CFAP74: variants seen among roughly 807,000 people sequenced by gnomAD.
CFAP74 encodes cilia- and flagella-associated protein 74.
Under a neutral mutation model 188.9 loss-of-function variants are expected in CFAP74, and 124 were observed. The ratio of observed to expected loss-of-function variants is 0.66; its 90% CI spans 0.57 to 0.76. CFAP74 has a LOEUF of 0.76. Among genes scored for constraint, CFAP74 ranks in the 30% least tolerant of loss-of-function variants. The probability of loss-of-function intolerance (pLI) is 0.00; values close to 1 mark genes in which losing one functional copy is unlikely to be tolerated. For missense variants in CFAP74, 2,198 were observed against 2,165.2 expected, an observed-to-expected ratio of 1.02 and a Z score of -0.30; for synonymous variants, 956 against 916.7, an observed-to-expected ratio of 1.04 and a Z score of -0.77.
rs1344101318 is a variant in CFAP74, at chr1:1,925,883, A to ATGAGGG, written c.3998_4003dup (p.Thr1333_Leu1334dup). 1.9e-6 allele frequency: 3 copies of ATGAGGG among 1,612,636 alleles called. No individual in the cohort carries two copies. The highest frequency in any genetic ancestry group is 2.2e-5 in the East Asian group (1 of 44,880). On this transcript the variant is annotated inframe_insertion, in exon 33 of 39. Coordinates refer to ENST00000682832, the MANE Select transcript of CFAP74 (RefSeq NM_001304360.2). ...GATCATGGACGCCACGCCAGTGCCCATGAGGGTGAGGGTGAGCGTGCCTCT... is the reference window on the plus strand; with the variant it reads ...GATCATGGACGCCACGCCAGTGCCCATGAGGGTGAGGGTGAGGGTGAGCGTGCCTCT...
Position 1,974,121 on chromosome 1 carries a change from G to C in CFAP74, c.578C>G (p.Ala193Gly). The part of the protein sequence containing the change: ...FRTADREEVE[A>G]TGRRLQVRAA... The stretch of plus-strand genomic sequence containing the variant: ...GCGCACCTGGAGCCGCCGCCCCGTG[G>C]CCTCCACCTCCTCACGGTCAGCTGT... Residue 193 changes from alanine (A) to glycine (G), a missense_variant, in exon 7 of 39, where the codon GCC becomes GGC. Physicochemically the swap from Ala to Gly is moderately conservative, Grantham distance 60. Coordinates refer to ENST00000682832, the MANE Select transcript of CFAP74 (RefSeq NM_001304360.2). The C allele has an allele frequency of 6.2e-7, 1 of 1,612,564 alleles. No homozygotes were observed. The highest frequency in any genetic ancestry group is 8.5e-7 in the Non-Finnish European group (1 of 1,179,276).
Position 1,975,149 on chromosome 1 carries a change from T to G in CFAP74, c.501-951A>C, listed in dbSNP as rs72894789. 0.013 allele frequency among the ~76,000 whole-genome samples: 2,027 copies of G among 152,356 alleles called. 48 individuals carry two copies. Among genetic ancestry groups the G allele is most frequent in the African/African-American group, 0.046 (1,905 of 41,582 alleles). On this transcript the variant is annotated intron_variant, in intron 6 of 38. Transcript: ENST00000682832. The surrounding 1 kb of genome is among the most constrained non-coding windows in gnomAD (Gnocchi z 4.5). ...CACCCGCGATCATGTTCATTTCCAC[T>G]TCGTCTTTCGTTAAAAGCTTTTCCT...
intron 1 of CFAP74, among the ~76,000 whole-genome samples, chr1:1,993,899 G>A (rs112343488): frequency 2.0e-4 from 30 of 150,746 alleles, no homozygotes; most frequent in East Asian, 7.8e-4. Flanking sequence ...GGAGAATGGC[G>A]TGAACCCGGG....
chr1:1,977,512 G>A (rs1031860726), intron 6 of CFAP74, among the ~76,000 whole-genome samples: 2 of 152,144 alleles, frequency 1.3e-5, no homozygotes, highest in Admixed American at 6.5e-5. Context: ...TGCTCCCAGG[G>A]GCAAGAACAA....
intron 27 of CFAP74, among the ~76,000 whole-genome samples, chr1:1,928,455 G>A (rs1445649395): frequency 6.6e-6 from 1 of 152,218 alleles, no homozygotes; most frequent in Non-Finnish European, 1.5e-5. Context: ...GACACTCCGT[G>A]TTTCAGGTGC....
At chr1:1,932,314 G>A (rs944275827) in intron 25 of CFAP74, among the ~76,000 whole-genome samples, 2 of 148,138 alleles carry the variant, frequency 1.4e-5, no homozygotes, top group Non-Finnish European at 1.5e-5. Flanking sequence ...GGAGAATGGC[G>A]TGAACCCAGG....
intron 1 of CFAP74, among the ~76,000 whole-genome samples, chr1:1,993,748 C>A (rs75074275): frequency 1.9e-5 from 1 of 53,836 alleles, no homozygotes; most frequent in East Asian, 5.5e-4. Context: ...TTTGGGAGGC[C>A]GAGGCAGGTG....
At chr1:1,991,562 C>T (rs1657565760) in intron 1 of CFAP74, among the ~76,000 whole-genome samples, 1 of 151,910 alleles carries the variant, frequency 6.6e-6, no homozygotes, top group Non-Finnish European at 1.5e-5. Context: ...GAGATAGTGC[C>T]ACTGCACTCC....
chr1:1,947,320 G>A (rs1653841639), intron 18 of CFAP74, among the ~76,000 whole-genome samples: 1 of 152,264 alleles, frequency 6.6e-6, no homozygotes. Flanking sequence ...GAGGGTATTA[G>A]AGGCTGGAGT....
At chr1:1,960,097 CAG>C in intron 14 of CFAP74, 67 bp from the exon 15 acceptor site, 1 of 1,396,014 alleles carries the variant, frequency 7.2e-7, no homozygotes, top group Non-Finnish European at 1.0e-6. Flanking sequence ...CCTCACCACC[CAG>C]AGCACAGTCA....
At chr1:1,984,928 G>A (rs959776037) in intron 6 of CFAP74, 7 of 165,602 alleles carry the variant, frequency 4.2e-5, no homozygotes, top group Admixed American at 2.9e-4. Context: ...TGTGTGGTTC[G>A]GGAGTCCTAC....
At chr1:1,951,461 A>T (rs1348542550) in intron 18 of CFAP74, among the ~76,000 whole-genome samples, 1 of 152,146 alleles carries the variant, frequency 6.6e-6, no homozygotes, top group Non-Finnish European at 1.5e-5. Flanking sequence ...AAACCAGTTG[A>T]CTATAATTGT....
chr1:1,923,969 G>A lies in CFAP74; in HGVS notation c.4235-40C>T, dbSNP rs1026766528. 1.5e-5 allele frequency: 24 copies of A among 1,576,616 alleles called. No homozygotes were observed. The highest frequency in any genetic ancestry group is 1.9e-5 in the Non-Finnish European group (22 of 1,160,442). On this transcript the variant is annotated intron_variant, in intron 34 of 38. Transcript: ENST00000682832. This position sits in a 1 kb window ranked among gnomAD's most constrained non-coding sequence, Gnocchi z 6.3. ...GGGTGCAGTTTGGCCTTCTCCACCTGCAATCACTGTCTGCCCTCCAAGCCT... is the reference window on the plus strand; with the variant it reads ...GGGTGCAGTTTGGCCTTCTCCACCTACAATCACTGTCTGCCCTCCAAGCCT...
rs369630047 is a variant in CFAP74 at position 1,970,736 on chromosome 1, C to A, written c.969G>T (p.Ala323=). ...ATGCATCCCTGCCCTGGGCCAGAATCGCCTTCTTCTCAGCCTGGACCCTCT... is the reference window on the plus strand; with the variant it reads ...ATGCATCCCTGCCCTGGGCCAGAATAGCCTTCTTCTCAGCCTGGACCCTCT... The part of the protein sequence containing the change: ...AEQRVQAEKK[A]ILAQGRDAFR... Residue 323 remains alanine, a synonymous_variant, in exon 10 of 39, where the codon GCG becomes GCT. Coordinates refer to ENST00000682832, the MANE Select transcript of CFAP74 (RefSeq NM_001304360.2). 4.3e-6 allele frequency: 7 copies of A among 1,614,198 alleles called. No homozygotes were observed. The highest frequency in any genetic ancestry group is 5.9e-6 in the Non-Finnish European group (7 of 1,180,020).
Position 1,946,350 on chromosome 1 carries a change from G to A in CFAP74, c.2331C>T (p.Phe777=). Residue 777 remains phenylalanine (F), a synonymous_variant, in exon 20 of 39, where the codon TTC becomes TTT. Transcript: ENST00000682832. ...ACTGGGGGTTCTTAAACGTGACTTT[G>A]AACCTGGCTTGGACGTCGCCTGGGA... ...PVVPGDVQAR[F]KVTFKNPQCP... The A allele has an allele frequency of 6.5e-7, 1 of 1,536,768 alleles. No individual in the cohort carries two copies.
intron 18 of CFAP74, among the ~76,000 whole-genome samples, chr1:1,952,199 C>T (rs368380371): frequency 6.6e-5 from 10 of 151,998 alleles, no homozygotes; most frequent in African/African-American, 2.2e-4. Context: ...GTGATCCACC[C>T]GCCTCGGCCT....
In CFAP74 at chr1:1,938,968, G is replaced by A. The variant is rs939877694; in HGVS notation, c.2898C>T (p.Asn966=). Residue 966 remains asparagine, a synonymous_variant, in exon 25 of 39, where the codon AAC becomes AAT. Transcript: ENST00000682832. ...RLPKFVDVQP[N]DGFGTILPLE... is the part of the protein sequence containing the mutation. ...GGGGCAGGATCGTCCCAAACCCATC[G>A]TTGGGTTGGACGTCCACAAACTGGA... The A allele has an allele frequency of 2.6e-6, 4 of 1,536,098 alleles. No homozygotes were observed. The highest frequency in any genetic ancestry group is 2.4e-5 in the East Asian group (1 of 40,912).
Position 1,968,925 on chromosome 1 carries a change from C to T in CFAP74, c.1047-92G>A. The T allele has an allele frequency of 1.3e-6, 1 of 750,736 alleles. No homozygotes were observed. The highest frequency in any genetic ancestry group is 1.9e-6 in the Non-Finnish European group (1 of 515,140). The allele number at this position is 750,736 out of a possible 1,614,324, so 46.5% of individuals were successfully genotyped here. ...AGTGCCCGGCGGCCCCTCCCTAGCG[C>T]CCTCCTGGGGGCTCCGGTCCTGCCC... On this transcript the variant is annotated intron_variant, in intron 10 of 38. Transcript: ENST00000682832. The surrounding 1 kb of genome is among the most constrained non-coding windows in gnomAD (Gnocchi z 4.3).
chr1:1,938,001 C>T (rs530415667), intron 25 of CFAP74, among the ~76,000 whole-genome samples: 2 of 152,192 alleles, frequency 1.3e-5, no homozygotes, highest in South Asian at 4.1e-4. Flanking sequence ...CTCAAGCACT[C>T]ACACATACAA....
Sources: allele counts gnomAD v4.1 joint callset (sites outside exome capture counted in the v4.1 genomes callset), GRCh38; gene constraint gnomAD v4.1.1; non-coding constraint Gnocchi (gnomAD v3.1); transcripts MANE v1.5; gene names NCBI Gene and HGNC (gene_info 2026-07-23, HGNC 2026-07-21).